The following ACACB variants were observed in gnomAD, a reference collection of about 807,000 sequenced individuals.
ACACB encodes the protein acetyl-CoA carboxylase beta.
Under a neutral mutation model 278.8 loss-of-function variants are expected in ACACB, and 209 were observed. The observed-to-expected ratio is 0.75, with a 90% CI of 0.67 to 0.84. The LOEUF is 0.84. Among genes scored for constraint, ACACB ranks in the 40% least tolerant of loss-of-function variants. The probability of loss-of-function intolerance (pLI) is 0.00; values close to 1 mark genes in which losing one functional copy is unlikely to be tolerated. For synonymous variants in ACACB, 1,174 were observed against 1,285.6 expected, an observed-to-expected ratio of 0.91 and a Z score of 1.86; for missense variants, 2,850 against 3,269.0, an observed-to-expected ratio of 0.87 and a Z score of 3.13.
chr12:109,218,771 CTT>C (rs147342736), intron 24 of ACACB, among the ~76,000 whole-genome samples: 31 of 135,494 alleles, frequency 2.3e-4, no homozygotes, highest in Admixed American at 3.8e-4. Flanking sequence ...TTCTATCTAT[CTT>C]TTTTTTTTTT....
chr12:109,218,904 T>G (rs1295012135), intron 24 of ACACB, among the ~76,000 whole-genome samples: 1 of 152,032 alleles, frequency 6.6e-6, no homozygotes, highest in Non-Finnish European at 1.5e-5. Context: ...TTAGCTGGGA[T>G]TACAGGCATG....
chr12:109,253,209 A>T (rs149309459), intron 43 of ACACB, 51 bp downstream of exon 43: 24 of 1,479,844 alleles, frequency 1.6e-5, no homozygotes, highest in Non-Finnish European at 2.2e-5. Flanking sequence ...TATTAAGCTC[A>T]TTGGCTAATT....
chr12:109,250,706 G>A (rs996508399), intron 41 of ACACB, among the ~76,000 whole-genome samples: 2 of 152,044 alleles, frequency 1.3e-5, no homozygotes, highest in Non-Finnish European at 2.9e-5. Context: ...AGTGGTGGTG[G>A]TAGTAGTAGT....
chr12:109,225,706 G>T (rs1286793675), intron 27 of ACACB, among the ~76,000 whole-genome samples: 1 of 152,206 alleles, frequency 6.6e-6, no homozygotes, highest in African/African-American at 2.4e-5. Context: ...TTAAACTCCA[G>T]AACTGCATTG....
chr12:109,193,139 T>A (rs2044955006), intron 15 of ACACB, among the ~76,000 whole-genome samples: 1 of 152,146 alleles, frequency 6.6e-6, no homozygotes, highest in Admixed American at 6.5e-5. Flanking sequence ...CAGCAAGTGC[T>A]GATTCCTTAA....
chr12:109,216,126 A>G (rs1593599914), intron 22 of ACACB, among the ~76,000 whole-genome samples: 1 of 148,488 alleles, frequency 6.7e-6, no homozygotes, highest in East Asian at 2.0e-4. Context: ...TTTTGTAGAT[A>G]TGGGGTCTTG....
At chr12:109,196,850 C>T (rs2045148770) in intron 16 of ACACB, among the ~76,000 whole-genome samples, 158 bp from the exon 17 acceptor site, 1 of 152,204 alleles carries the variant, frequency 6.6e-6, no homozygotes, top group South Asian at 2.1e-4. Flanking sequence ...GCAGCTGCTC[C>T]CTTGGCAGGA....
At chr12:109,233,101 G>A (rs2046523367) in intron 29 of ACACB, among the ~76,000 whole-genome samples, 1 of 152,104 alleles carries the variant, frequency 6.6e-6, no homozygotes, top group South Asian at 2.1e-4. Flanking sequence ...TTCTAACTAA[G>A]AGACTGAGCA....
rs1346888299 is a variant in ACACB, at chr12:109,259,095, C to T, written c.6483C>T (p.Ser2161=). The change falls in exon 47 of 53, where the codon TCC becomes TCT. Residue 2161 remains serine, a synonymous_variant. Coordinates refer to ENST00000338432, the MANE Select transcript of ACACB (RefSeq NM_001093.4). The stretch of plus-strand genomic sequence containing the variant: ...TCTTTGCCAACTGGAGGGGGTTCTC[C>T]GGTGGCATGAAAGGTAAGCCCCTCC... The part of the protein sequence containing the change: ...LMIFANWRGF[S]GGMKDMYDQV... 4 of 1,613,894 alleles carry T rather than the reference C, an allele frequency of 2.5e-6. No individual in the cohort carries two copies. Among genetic ancestry groups the T allele is most frequent in the East Asian group, 2.2e-5 (1 of 44,892 alleles).
At chr12:109,133,862 TA>T (rs1192032355) in intron 1 of ACACB, among the ~76,000 whole-genome samples, 95 of 50,330 alleles carry the variant, frequency 1.9e-3, no homozygotes, top group African/African-American at 7.5e-3. Flanking sequence ...TATATATATA[TA>T]TTTTTTTTTT....
intron 5 of ACACB, 30 bp from the exon 6 acceptor site, chr12:109,172,245 A>G (rs1458362605): frequency 6.2e-7 from 1 of 1,608,308 alleles, no homozygotes; most frequent in Admixed American, 1.7e-5. Context: ...TTGAAGGAAG[A>G]TTGTTGCTCA....
chr12:109,258,138 C>A, intron 45 of ACACB, 130 bp from the exon 46 acceptor site: 1 of 669,106 alleles, frequency 1.5e-6, no homozygotes, highest in Non-Finnish European at 2.5e-6. Context: ...TTTTCTTTGC[C>A]TTCCAATAAA....
At chr12:109,173,151 C>T (rs991625100) in intron 6 of ACACB, among the ~76,000 whole-genome samples, 1 of 152,070 alleles carries the variant, frequency 6.6e-6, no homozygotes, top group Admixed American at 6.5e-5. Context: ...GAACAGCAGA[C>T]ACTACTTGAG....
chr12:109,188,427 T>TTCCTCC (rs976027853), intron 13 of ACACB, among the ~76,000 whole-genome samples: 1 of 119,660 alleles, frequency 8.4e-6, no homozygotes, highest in Non-Finnish European at 1.7e-5. Context: ...CCTCCCGTCC[T>TTCCTCC]TCCTCCTCCC....
At chr12:109,252,190 T>G in intron 42 of ACACB, 34 bp downstream of exon 42, 1 of 1,475,596 alleles carries the variant, frequency 6.8e-7, no homozygotes, top group South Asian at 1.3e-5. Context: ...GAGTGGATCC[T>G]TGGGGGCCAG....
At chr12:109,199,666 T>G in intron 18 of ACACB, 114 bp downstream of exon 18, 1 of 1,107,682 alleles carries the variant, frequency 9.0e-7, no homozygotes, top group Non-Finnish European at 1.2e-6. Flanking sequence ...TGTCTGCAAA[T>G]TTCTAAGGGA....
chr12:109,206,983 A>T lies in ACACB; in HGVS notation c.3060+127A>T, dbSNP rs1440411631. The stretch of plus-strand genomic sequence containing the variant: ...GTCGGTCCTCTGTTGTTTTTATTTT[A>T]TTTATTTTATTTTTTCAGACAAGGT... On this transcript the variant is annotated intron_variant, in intron 20 of 52. Coordinates refer to ENST00000338432, the MANE Select transcript of ACACB (RefSeq NM_001093.4). The T allele has an allele frequency of 1.1e-5, 12 of 1,137,652 alleles. No individual in the cohort carries two copies. The South Asian group carries it at 1.2e-4, about 11-fold the overall frequency. 70.5% of individuals were successfully genotyped at this position (1,137,652 alleles called of 1,614,324 possible). A position where few individuals can be genotyped will look rare whatever the true frequency, so the allele number is the denominator to read the frequency against.
intron 4 of ACACB, among the ~76,000 whole-genome samples, chr12:109,170,201 A>C (rs1184911324): frequency 6.6e-6 from 1 of 152,032 alleles, no homozygotes; most frequent in Non-Finnish European, 1.5e-5. Context: ...AGTAGCTGGG[A>C]CTTCAGGCAT....
At chr12:109,206,238 A>G (rs2045504030) in intron 19 of ACACB, among the ~76,000 whole-genome samples, 2 of 152,198 alleles carry the variant, frequency 1.3e-5, no homozygotes, top group South Asian at 4.1e-4. Flanking sequence ...GATCAAGACC[A>G]TCCTGGCCAA....
Sources: allele counts gnomAD v4.1 joint callset (sites outside exome capture counted in the v4.1 genomes callset), GRCh38; gene constraint gnomAD v4.1.1; transcripts MANE v1.5; gene names NCBI Gene and HGNC (gene_info 2026-07-23, HGNC 2026-07-21).